Variants in RABGAP1L observed in about 807,000 individuals in gnomAD.
The protein encoded by RABGAP1L is RAB GTPase activating protein 1 like.
Under a neutral mutation model 137.7 loss-of-function variants are expected in RABGAP1L, and 63 were observed. That is an observed-to-expected ratio of 0.46 (90% CI 0.37 to 0.56). RABGAP1L has a LOEUF of 0.56. Among genes scored for constraint, RABGAP1L ranks in the 20% least tolerant of loss-of-function variants. The pLI is 0.00. For synonymous variants in RABGAP1L, 431 were observed against 433.7 expected (o/e 0.99, Z 0.08); for missense variants, 1,095 against 1,244.0 (o/e 0.88, Z 1.80).
At chr1:174,870,398 G>A (rs1337663718) in intron 19 of RABGAP1L, among the ~76,000 whole-genome samples, 1 of 152,142 alleles carries the variant, frequency 6.6e-6, no homozygotes, top group Non-Finnish European at 1.5e-5. Flanking sequence ...GACAGACATA[G>A]CTTTTTTTAT....
At chr1:174,564,903 C>T (rs1388004492) in intron 13 of RABGAP1L, among the ~76,000 whole-genome samples, 1 of 152,080 alleles carries the variant, frequency 6.6e-6, no homozygotes, top group East Asian at 1.9e-4. Flanking sequence ...CTTCTAGTTC[C>T]CAAATACAAT....
At chr1:174,294,672 T>C (rs1676947801) in intron 10 of RABGAP1L, among the ~76,000 whole-genome samples, 1 of 152,024 alleles carries the variant, frequency 6.6e-6, no homozygotes, top group Non-Finnish European at 1.5e-5. Flanking sequence ...GTGGCCAAGA[T>C]AAGAAATGAT....
chr1:174,259,975 T>C (rs901383161), intron 7 of RABGAP1L, among the ~76,000 whole-genome samples: 2 of 151,906 alleles, frequency 1.3e-5, no homozygotes, highest in East Asian at 3.9e-4. Flanking sequence ...GCTGGGACTA[T>C]AGGCATGCGC....
At chr1:174,772,317 C>T (rs1331753806) in intron 18 of RABGAP1L, among the ~76,000 whole-genome samples, 1 of 151,956 alleles carries the variant, frequency 6.6e-6, no homozygotes, top group Non-Finnish European at 1.5e-5. Flanking sequence ...GTGGCTCAGG[C>T]CTGTAATCCC....
chr1:174,479,940 TACTA>T (rs1251196020), intron 13 of RABGAP1L, among the ~76,000 whole-genome samples: 1 of 152,222 alleles, frequency 6.6e-6, no homozygotes, highest in Middle Eastern at 3.2e-3. Flanking sequence ...CTATTGTATT[TACTA>T]ACTGTCACAA....
intron 13 of RABGAP1L, among the ~76,000 whole-genome samples, chr1:174,505,988 A>G (rs767938012): frequency 1.1e-4 from 17 of 152,236 alleles, no homozygotes; most frequent in Non-Finnish European, 2.4e-4. Flanking sequence ...TCTGTCATAT[A>G]CATAAACATG....
rs554580779 is a variant in RABGAP1L at position 174,299,705 on chromosome 1, G to A, written c.1324-5281G>A. On this transcript the variant is annotated intron_variant, in intron 10 of 25. Coordinates refer to ENST00000681986, the MANE Select transcript of RABGAP1L (RefSeq NM_001366446.1). Reference sequence around the variant, plus strand: ...AAAGCAAGGATCAGCAGTATTCCAAGTAAAAGTCAAAAAGGTTGCTTTGGC... The same window carrying A: ...AAAGCAAGGATCAGCAGTATTCCAAATAAAAGTCAAAAAGGTTGCTTTGGC... 2.0e-5 allele frequency among the ~76,000 whole-genome samples: 3 copies of A among 152,282 alleles called. No individual in the cohort carries two copies. The South Asian group carries it at 6.2e-4, about 32-fold the overall frequency.
chr1:174,599,358 T>A (rs1670244074), intron 13 of RABGAP1L, among the ~76,000 whole-genome samples: 2 of 152,238 alleles, frequency 1.3e-5, no homozygotes. Flanking sequence ...ATATGGAAGA[T>A]ATAAGTAGTT....
intron 19 of RABGAP1L, among the ~76,000 whole-genome samples, chr1:174,818,031 C>T (rs1015564686): frequency 2.0e-5 from 3 of 152,156 alleles, no homozygotes; most frequent in Non-Finnish European, 2.9e-5. Flanking sequence ...ATATGTTGTT[C>T]GTGGTACATA....
At chr1:174,901,860 T>A (rs781707204) in intron 19 of RABGAP1L, among the ~76,000 whole-genome samples, 2 of 152,208 alleles carry the variant, frequency 1.3e-5, no homozygotes, top group Non-Finnish European at 2.9e-5. Flanking sequence ...GAGGTTTTTG[T>A]GGGGTCTTTT....
chr1:174,758,339 A>C (rs533336281), intron 18 of RABGAP1L, among the ~76,000 whole-genome samples: 180 of 151,472 alleles, frequency 1.2e-3, no homozygotes, highest in Non-Finnish European at 2.0e-3. Context: ...TCCAGCCTCT[A>C]GGAATTTGCT....
chr1:174,973,380 A>ATTTTTT (rs1558296607), intron 21 of RABGAP1L, among the ~76,000 whole-genome samples: 1 of 130,618 alleles, frequency 7.7e-6, no homozygotes, highest in Non-Finnish European at 1.7e-5. Flanking sequence ...TTTTTCTTTC[A>ATTTTTT]TTTCTTTTTT....
At chr1:174,171,580 A>G (rs1665386009) in intron 1 of RABGAP1L, among the ~76,000 whole-genome samples, 1 of 151,722 alleles carries the variant, frequency 6.6e-6, no homozygotes, top group Non-Finnish European at 1.5e-5. Flanking sequence ...AGCTCTCTAG[A>G]CTTATTCATC....
At chr1:174,638,369 A>G (rs1674233869) in intron 14 of RABGAP1L, among the ~76,000 whole-genome samples, 1 of 152,196 alleles carries the variant, frequency 6.6e-6, no homozygotes, top group African/African-American at 2.4e-5. Flanking sequence ...AACAGCACTT[A>G]TAAAAGCACT....
At chr1:174,170,801 T>A (rs532355459) in intron 1 of RABGAP1L, among the ~76,000 whole-genome samples, 1 of 152,188 alleles carries the variant, frequency 6.6e-6, no homozygotes, top group African/African-American at 2.4e-5. Flanking sequence ...GGTACTTGTT[T>A]TGCACATTTC....
chr1:174,943,049 G>A (rs1348004004), intron 19 of RABGAP1L, among the ~76,000 whole-genome samples: 2 of 152,112 alleles, frequency 1.3e-5, no homozygotes, highest in African/African-American at 4.8e-5. Context: ...TGTGAGGTTG[G>A]TCCCTGGAGG....
intron 19 of RABGAP1L, among the ~76,000 whole-genome samples, chr1:174,847,157 C>G (rs1219594377): frequency 6.7e-6 from 1 of 149,680 alleles, no homozygotes; most frequent in South Asian, 2.2e-4. Flanking sequence ...ATACAGCACA[C>G]TGTTGGGTCT....
At chr1:174,655,439 G>A (rs1675891467) in intron 14 of RABGAP1L, among the ~76,000 whole-genome samples, 1 of 152,042 alleles carries the variant, frequency 6.6e-6, no homozygotes, top group South Asian at 2.1e-4. Flanking sequence ...TTAGATTCAG[G>A]TTATACATCT....
chr1:174,192,261 A>G (rs1667261870), intron 1 of RABGAP1L, among the ~76,000 whole-genome samples: 1 of 150,034 alleles, frequency 6.7e-6, no homozygotes, highest in Non-Finnish European at 1.5e-5. Flanking sequence ...TGCGTAACAC[A>G]TGGCAGTTGG....
Sources: gnomAD v4.1 joint callset for allele counts (sites outside exome capture counted in the v4.1 genomes callset) on GRCh38, gnomAD v4.1.1 for gene constraint, MANE v1.5 for transcripts, NCBI Gene and HGNC (gene_info 2026-07-23, HGNC 2026-07-21) for gene names.